The following DLEU7 variants were observed in gnomAD, a reference collection of about 807,000 sequenced individuals.
The protein encoded by DLEU7 is deleted in lymphocytic leukemia 7, also known as leukemia-associated protein 7.
Under a neutral mutation model 16.0 loss-of-function variants are expected in DLEU7, and 17 were observed. That is an observed-to-expected ratio of 1.06 (90% CI 0.73 to 1.59). The LOEUF (loss-of-function observed/expected upper bound fraction) is 1.59. Ranked by LOEUF, DLEU7 falls within the 40% of genes most tolerant of loss-of-function variation. The pLI, the probability that DLEU7 is intolerant of heterozygous loss-of-function variation, is 0.00. For missense variants in DLEU7, 308 were observed against 314.9 expected, an observed-to-expected ratio of 0.98 and a Z score of 0.17; for synonymous variants, 113 against 139.8, an observed-to-expected ratio of 0.81 and a Z score of 1.35.
At chr13:50,763,454 GGAA>G (rs1261125033) in intron 1 of DLEU7, among the ~76,000 whole-genome samples, 2 of 152,270 alleles carry the variant, frequency 1.3e-5, no homozygotes, top group East Asian at 1.9e-4. Context: ...CTGTGCAGAT[GGAA>G]GAAGAAAATG....
At chr13:50,775,463 C>T (rs940042423) in intron 1 of DLEU7, among the ~76,000 whole-genome samples, 7 of 152,194 alleles carry the variant, frequency 4.6e-5, no homozygotes, top group African/African-American at 1.7e-4. Context: ...TGTCTGCCTG[C>T]ATTGGGCAGC....
chr13:50,724,349 G>A (rs140963527), intron 1 of DLEU7, among the ~76,000 whole-genome samples: 1 of 152,066 alleles, frequency 6.6e-6, no homozygotes, highest in Non-Finnish European at 1.5e-5. Flanking sequence ...TTTTGTGAAT[G>A]CACACCATAC....
chr13:50,724,425 A>G (rs1052637797), intron 1 of DLEU7, among the ~76,000 whole-genome samples: 3 of 152,236 alleles, frequency 2.0e-5, no homozygotes, highest in African/African-American at 7.2e-5. Context: ...TGAGTCTCAG[A>G]TATTATTAAA....
intron 1 of DLEU7, among the ~76,000 whole-genome samples, chr13:50,814,678 T>TAC (rs59737244): frequency 0.35 from 48,636 of 139,224 alleles, 8,737 homozygotes; most frequent in East Asian, 0.46. Flanking sequence ...TACATAGAAC[T>TAC]ACACACACAC....
At chr13:50,802,482 A>G (rs1876278946) in intron 1 of DLEU7, among the ~76,000 whole-genome samples, 1 of 152,250 alleles carries the variant, frequency 6.6e-6, no homozygotes, top group Admixed American at 6.5e-5. Flanking sequence ...GTCTTCATTT[A>G]GAAAGCGACA....
intron 1 of DLEU7, among the ~76,000 whole-genome samples, chr13:50,743,651 G>C (rs563881467): frequency 6.6e-6 from 1 of 152,282 alleles, no homozygotes; most frequent in Admixed American, 6.5e-5. Context: ...CAGGAAATTT[G>C]TATTGAGAGC....
chr13:50,823,244 A>G lies in DLEU7; in HGVS notation c.*70T>C, dbSNP rs1020367381. 26 of 1,521,694 alleles carry G rather than the reference A, an allele frequency of 1.7e-5. No individual in the cohort carries two copies. Among genetic ancestry groups the G allele is most frequent in the Middle Eastern group, 1.7e-4 (1 of 5,960 alleles). 94.3% of individuals were successfully genotyped at this position (1,521,694 alleles called of 1,614,324 possible). A position where few individuals can be genotyped will look rare whatever the true frequency, so the allele number is the denominator to read the frequency against. On this transcript the variant is annotated 3_prime_UTR_variant, in exon 2 of 2. Transcript: ENST00000504404. ...AAAATATCCATTGTCTGCTGACTCA[A>G]TTAGGAAGGTAAGGTATCTGGTTCT...
At chr13:50,762,639 T>C (rs562217631) in intron 1 of DLEU7, among the ~76,000 whole-genome samples, 1 of 152,252 alleles carries the variant, frequency 6.6e-6, no homozygotes, top group East Asian at 1.9e-4. Flanking sequence ...AGAAAGAAGC[T>C]GTATACATCT....
At chr13:50,767,727 C>T (rs193271848) in intron 1 of DLEU7, among the ~76,000 whole-genome samples, 1 of 152,296 alleles carries the variant, frequency 6.6e-6, no homozygotes, top group East Asian at 1.9e-4. Context: ...CTAGCATAGA[C>T]TCAAGGCAGC....
chr13:50,780,192 C>T (rs1471006824), intron 1 of DLEU7, among the ~76,000 whole-genome samples: 1 of 152,100 alleles, frequency 6.6e-6, no homozygotes, highest in Non-Finnish European at 1.5e-5. Context: ...CTGCAGCCCC[C>T]CTCATTCCAG....
At chr13:50,818,896 T>C (rs748308649), downstream of DLEU7, among the ~76,000 whole-genome samples, 1 of 152,206 alleles carries the variant, frequency 6.6e-6, no homozygotes, top group African/African-American at 2.4e-5. Flanking sequence ...TGTGATGGCA[T>C]TTGGGGTCCA....
intron 1 of DLEU7, chr13:50,722,995 G>T (rs1465339852): frequency 1.3e-5 from 2 of 152,124 alleles, no homozygotes; most frequent in Non-Finnish European, 2.9e-5. Flanking sequence ...AGAGGCTATG[G>T]AATATTCTAT....
At chr13:50,735,481 C>T (rs1360544602) in intron 1 of DLEU7, among the ~76,000 whole-genome samples, 2 of 151,626 alleles carry the variant, frequency 1.3e-5, no homozygotes, top group Non-Finnish European at 2.9e-5. Context: ...TAGAAATCAA[C>T]AAGATAGAAA....
At chr13:50,747,006 T>C (rs1251199460) in intron 1 of DLEU7, among the ~76,000 whole-genome samples, 2 of 152,014 alleles carry the variant, frequency 1.3e-5, no homozygotes, top group Non-Finnish European at 2.9e-5. Context: ...TTGTGAAAAA[T>C]AAACCCTAAA....
intron 1 of DLEU7, chr13:50,713,272 C>G (rs41284836): frequency 0.28 from 447,383 of 1,597,198 alleles, 65,452 homozygotes; most frequent in Middle Eastern, 0.33. Flanking sequence ...ATCTCAAATG[C>G]TTGCTTTGCA....
intron 1 of DLEU7, among the ~76,000 whole-genome samples, chr13:50,805,029 C>G (rs541470439): frequency 2.6e-5 from 4 of 151,990 alleles, no homozygotes; most frequent in African/African-American, 9.6e-5. Flanking sequence ...AATTTGTATA[C>G]ATTTTCTTTC....
Position 50,726,363 on chromosome 13 carries a change from T to G in DLEU7, c.460-13123A>C, listed in dbSNP as rs1287014290. Reference sequence around the variant, plus strand: ...GTTTACTTCTCCAACTTCAACAGCTTCTACCCAAATCCCCCTGGGAACCAG... The same window carrying G: ...GTTTACTTCTCCAACTTCAACAGCTGCTACCCAAATCCCCCTGGGAACCAG... On this transcript the variant is annotated intron_variant, in intron 1 of 1. Coordinates refer to the DLEU7 transcript ENST00000400393. This position sits in a 1 kb window ranked among gnomAD's most constrained non-coding sequence, Gnocchi z 4.0. Among the ~76,000 whole-genome samples the G allele has an allele frequency of 6.6e-6, 1 of 152,064 alleles. No homozygotes were observed. The highest frequency in any genetic ancestry group is 1.5e-5 in the Non-Finnish European group (1 of 68,012).
At chr13:50,790,662 G>C (rs1026130165) in intron 1 of DLEU7, among the ~76,000 whole-genome samples, 11 of 152,206 alleles carry the variant, frequency 7.2e-5, no homozygotes, top group African/African-American at 2.6e-4. Flanking sequence ...GAGGGGTGTG[G>C]GGTGGGCGGA....
chr13:50,788,048 G>T (rs1360896473), intron 1 of DLEU7, among the ~76,000 whole-genome samples: 1 of 152,118 alleles, frequency 6.6e-6, no homozygotes, highest in East Asian at 1.9e-4. Flanking sequence ...CAGCACCATA[G>T]GATTCTCCCA....
Sources: gnomAD v4.1 joint callset for allele counts (sites outside exome capture counted in the v4.1 genomes callset) on GRCh38, gnomAD v4.1.1 for gene constraint, Gnocchi (gnomAD v3.1) non-coding constraint, MANE v1.5 for transcripts, NCBI Gene and HGNC (gene_info 2026-07-23, HGNC 2026-07-21) for gene names.